The following MYO1F variants were observed in gnomAD, a reference collection of about 807,000 sequenced individuals.
MYO1F encodes the protein unconventional myosin-If.
MYO1F carries 60 observed loss-of-function variants against 146.6 expected under a neutral mutation model. The ratio of observed to expected loss-of-function variants is 0.41; its 90% CI spans 0.33 to 0.51. The LOEUF (loss-of-function observed/expected upper bound fraction) is 0.51. MYO1F is among the 20% of genes least tolerant of loss of function. MYO1F has a pLI of 0.25. For missense variants in MYO1F, 1,274 were observed against 1,534.3 expected (o/e 0.83, Z 2.83); for synonymous variants, 602 against 602.1 (o/e 1.00, Z 0.00).
chr19:8,570,411 C>T (rs532143827), intron 1 of MYO1F, among the ~76,000 whole-genome samples: 13 of 150,340 alleles, frequency 8.6e-5, no homozygotes, highest in African/African-American at 2.9e-4. Flanking sequence ...GCTCTTGTTG[C>T]TCAGTCTGTG....
At chr19:8,543,638 G>A (rs1444288638) in intron 14 of MYO1F, among the ~76,000 whole-genome samples, 5 of 148,220 alleles carry the variant, frequency 3.4e-5, no homozygotes, top group Non-Finnish European at 5.9e-5. Flanking sequence ...CAGGGAACAC[G>A]GTGGTGGTGG....
chr19:8,553,901 C>CTCTCTCTCTT (rs1973726878), intron 4 of MYO1F, among the ~76,000 whole-genome samples: 1 of 149,444 alleles, frequency 6.7e-6, no homozygotes, highest in Non-Finnish European at 1.5e-5. Context: ...CACACTCTCT[C>CTCTCTCTCTT]TCTCTCTCTC....
chr19:8,565,202 C>A (rs1227955608), intron 1 of MYO1F, among the ~76,000 whole-genome samples: 1 of 151,942 alleles, frequency 6.6e-6, no homozygotes, highest in East Asian at 1.9e-4. Context: ...TGGCTCATTT[C>A]ATTTTCAAGA....
intron 1 of MYO1F, among the ~76,000 whole-genome samples, chr19:8,557,401 A>G (rs1283672971): frequency 2.6e-5 from 4 of 152,108 alleles, no homozygotes; most frequent in Non-Finnish European, 1.5e-5. Flanking sequence ...GGCTCAAGCA[A>G]TCCTTCCACC....
intron 1 of MYO1F, among the ~76,000 whole-genome samples, chr19:8,571,082 G>A (rs112379785): frequency 6.6e-6 from 1 of 152,222 alleles, no homozygotes; most frequent in African/African-American, 2.4e-5. Context: ...TCACCCCATG[G>A]GCTCCAGGCT....
rs951687198 is a variant in MYO1F, at chr19:8,556,868, C to G, written c.4-1072G>C. ...TGCCATTGCACTCCAGCCTTGGCAA[C>G]AAGAGTGAAACTCTGTCTCAAAAAA... is the stretch of plus-strand genomic sequence containing the variant. On this transcript the variant is annotated intron_variant, in intron 1 of 27. Transcript: ENST00000644032. Among the ~76,000 whole-genome samples the G allele has an allele frequency of 5.3e-5, 5 of 93,904 alleles. No homozygotes were observed. In the East Asian group the frequency reaches 1.9e-3, roughly 36 times the overall value. The allele number at this position is 93,904 out of a possible 152,430, so 61.6% of individuals were successfully genotyped here.
intron 1 of MYO1F, among the ~76,000 whole-genome samples, chr19:8,560,359 C>G (rs185419369): frequency 2.0e-5 from 3 of 151,784 alleles, no homozygotes; most frequent in African/African-American, 7.2e-5. Context: ...GGGGTGCGCG[C>G]CTGTAATCCC....
intron 1 of MYO1F, among the ~76,000 whole-genome samples, chr19:8,573,678 C>T (rs1053867079): frequency 6.6e-6 from 1 of 152,052 alleles, no homozygotes; most frequent in Admixed American, 6.6e-5. Flanking sequence ...GGCGAAACCC[C>T]GTCTCCACTA....
At chr19:8,547,125 C>G (rs1973392389) in intron 12 of MYO1F, among the ~76,000 whole-genome samples, 1 of 151,690 alleles carries the variant, frequency 6.6e-6, no homozygotes, top group East Asian at 1.9e-4. Flanking sequence ...AAGTGAAACA[C>G]CAACTCTACA....
chr19:8,555,594 T>G (rs1240186832), intron 2 of MYO1F, 65 bp downstream of exon 2: 1 of 1,608,726 alleles, frequency 6.2e-7, no homozygotes. Flanking sequence ...CACCCTCCTC[T>G]CCGTCCATGG....
chr19:8,572,698 CTTAT>C (rs1327609775), intron 1 of MYO1F, among the ~76,000 whole-genome samples: 1 of 152,076 alleles, frequency 6.6e-6, no homozygotes, highest in Non-Finnish European at 1.5e-5. Context: ...GTGGCTGTAT[CTTAT>C]TTATTTGTTT....
At chr19:8,571,569 C>T (rs1456011692) in intron 1 of MYO1F, among the ~76,000 whole-genome samples, 46 of 150,432 alleles carry the variant, frequency 3.1e-4, no homozygotes, top group Non-Finnish European at 5.5e-4. Context: ...CGCCCGCCAC[C>T]GCGCCCGGCT....
Position 8,537,015 on chromosome 19 carries a change from G to A in MYO1F, c.1733C>T (p.Thr578Ile). 1.9e-6 allele frequency: 3 copies of A among 1,613,484 alleles called. No homozygotes were observed. The highest frequency in any genetic ancestry group is 2.5e-6 in the Non-Finnish European group (3 of 1,179,798). The change falls in exon 17 of 28, where the codon ACA (threonine) becomes ATA (isoleucine). Residue 578 changes from threonine (T) to isoleucine (I), a missense_variant. By Grantham distance (89) the Thr-to-Ile change is moderately conservative. Around this residue, in one of 2 missense-constraint regions of MYO1F, gnomAD observed 900 missense variants for 1,155.1 expected, o/e 0.78. Transcript: ENST00000644032. ...TTTGATGCAGCGGATGTAGTGGGGT[G>A]TGCACCTCATCAGTGTGGCCACCAG... ...NDLVATLMRCTPHYIRCIKPN... is the reference protein window; with the variant it reads ...NDLVATLMRCIPHYIRCIKPN...
At chr19:8,539,139 G>C (rs1465726530) in intron 16 of MYO1F, among the ~76,000 whole-genome samples, 2 of 152,118 alleles carry the variant, frequency 1.3e-5, no homozygotes, top group Admixed American at 1.3e-4. Context: ...ATTAGGCCGA[G>C]CGCGGTGGCT....
At chr19:8,544,130 C>G in intron 14 of MYO1F, 167 bp downstream of exon 14, 1 of 745,100 alleles carries the variant, frequency 1.3e-6, no homozygotes, top group Non-Finnish European at 2.2e-6. Flanking sequence ...GTCTGTAGTT[C>G]TGGTTAGTAG....
At chr19:8,526,014 G>A (rs892298517) in intron 24 of MYO1F, among the ~76,000 whole-genome samples, 1 of 152,042 alleles carries the variant, frequency 6.6e-6, no homozygotes, top group East Asian at 1.9e-4. Flanking sequence ...CCCACTAATT[G>A]GTTGCGGCCT....
At chr19:8,532,903 T>TACAC (rs60799506) in intron 19 of MYO1F, among the ~76,000 whole-genome samples, 5,490 of 112,908 alleles carry the variant, frequency 0.049, 207 homozygotes, top group Non-Finnish European at 0.068. Context: ...AAAAAAAAAA[T>TACAC]ACACACACAC....
chr19:8,551,533 G>T, intron 8 of MYO1F: 1 of 617,600 alleles, frequency 1.6e-6, no homozygotes, highest in Non-Finnish European at 2.8e-6. Flanking sequence ...TGTATTTTAA[G>T]TAGAGACGGG....
chr19:8,533,088 C>A (rs1972557958), intron 19 of MYO1F, among the ~76,000 whole-genome samples: 1 of 152,112 alleles, frequency 6.6e-6, no homozygotes, highest in South Asian at 2.1e-4. Flanking sequence ...CAGGGTCTTG[C>A]TCTGTTTCCC....
Sources: allele counts gnomAD v4.1 joint callset (sites outside exome capture counted in the v4.1 genomes callset), GRCh38; gene constraint gnomAD v4.1.1; regional missense constraint gnomAD v4.1.1; transcripts MANE v1.5; gene names NCBI Gene and HGNC (gene_info 2026-07-23, HGNC 2026-07-21).